TMPRSS4: variants seen among roughly 807,000 people sequenced by gnomAD.
The protein encoded by TMPRSS4 is transmembrane protease serine 4.
TMPRSS4 carries 45 observed loss-of-function variants against 56.4 expected under a neutral mutation model. The observed-to-expected ratio is 0.80, with a 90% CI of 0.63 to 1.02. The LOEUF (loss-of-function observed/expected upper bound fraction) is 1.02, where lower values mean the gene tolerates loss of function less well. Ranked by LOEUF, TMPRSS4 falls within the 50% of genes least tolerant of loss-of-function variation. The probability of loss-of-function intolerance (pLI) is 0.00; values close to 1 mark genes in which losing one functional copy is unlikely to be tolerated. For missense variants in TMPRSS4, 546 were observed against 556.7 expected (o/e 0.98, Z 0.19); for synonymous variants, 205 against 211.0 (o/e 0.97, Z 0.25).
chr11:118,084,129 G>T (rs961480264), intron 1 of TMPRSS4, among the ~76,000 whole-genome samples: 2 of 152,126 alleles, frequency 1.3e-5, no homozygotes, highest in Non-Finnish European at 2.9e-5. Context: ...TTAGGAGGGA[G>T]ACTTACTGCA....
chr11:118,086,731 C>T (rs1402732608), intron 1 of TMPRSS4: 4 of 153,046 alleles, frequency 2.6e-5, no homozygotes, highest in African/African-American at 4.8e-5. Context: ...TCTTCCAGCC[C>T]TCAGTGACCC....
chr11:118,085,744 G>A lies in TMPRSS4; in HGVS notation c.3+8439G>A, dbSNP rs111549109. Among the ~76,000 whole-genome samples the A allele has an allele frequency of 2.6e-3, 394 of 152,272 alleles. 4 individuals are homozygous for A. The highest frequency in any genetic ancestry group is 9.2e-3 in the African/African-American group (381 of 41,558). On this transcript the variant is annotated intron_variant, in intron 1 of 12. Coordinates refer to ENST00000437212, the MANE Select transcript of TMPRSS4 (RefSeq NM_019894.4). ...AGGCTGAAAGGCTGAACTGTGTGGC[G>A]GGACCCCTTCTGGCCCTCTCGAGTC...
chr11:118,115,018 G>T (rs2135458985), intron 10 of TMPRSS4, 91 bp downstream of exon 10: 1 of 1,549,526 alleles, frequency 6.5e-7, no homozygotes, highest in Non-Finnish European at 8.8e-7. Flanking sequence ...CCACCCTTCA[G>T]AGAAACCCAT....
At chr11:118,124,913 G>C (rs137964289), downstream of TMPRSS4, among the ~76,000 whole-genome samples, 1 of 152,138 alleles carries the variant, frequency 6.6e-6, no homozygotes, top group Non-Finnish European at 1.5e-5. Context: ...CCATCTTCCC[G>C]CCTCTAGGCT....
At chr11:118,112,709 T>C (rs1468962252) in intron 8 of TMPRSS4, among the ~76,000 whole-genome samples, 1 of 152,036 alleles carries the variant, frequency 6.6e-6, no homozygotes, top group Non-Finnish European at 1.5e-5. Flanking sequence ...TATTCATTCA[T>C]TCAATATCTA....
At chr11:118,101,976 C>G (rs1016486558) in intron 3 of TMPRSS4, among the ~76,000 whole-genome samples, 1 of 152,108 alleles carries the variant, frequency 6.6e-6, no homozygotes, top group Non-Finnish European at 1.5e-5. Flanking sequence ...GTTCTTTTTA[C>G]TTATATATTT....
rs775514563 is a variant in TMPRSS4 at position 118,103,241 on chromosome 11, C to T, written c.298C>T (p.Pro100Ser). Residue 100 changes from proline to serine, a missense_variant, in exon 4 of 13, where the codon CCT becomes TCT. By Grantham distance (74) the Pro-to-Ser change is moderately conservative. Transcript: ENST00000437212. ...EHCVKSFPEG[P>S]AVAVRLSKDR... ...CTGTGTCAAGAGCTTCCCCGAAGGG[C>T]CTGCAGTGGCAGGTGAGTGCAGGGT... 1.7e-5 allele frequency: 28 copies of T among 1,613,522 alleles called. No individual in the cohort carries two copies. The highest frequency in any genetic ancestry group is 2.2e-5 in the Non-Finnish European group (26 of 1,179,862).
chr11:118,080,192 A>G (rs1677385313), intron 1 of TMPRSS4, among the ~76,000 whole-genome samples: 1 of 152,174 alleles, frequency 6.6e-6, no homozygotes, highest in Non-Finnish European at 1.5e-5. Flanking sequence ...CTGAAAAAGC[A>G]ATAGATTCTC....
chr11:118,123,496 C>T (rs1344663781), downstream of TMPRSS4, among the ~76,000 whole-genome samples: 1 of 152,138 alleles, frequency 6.6e-6, no homozygotes, highest in East Asian at 1.9e-4. Context: ...ATCTCTTCAA[C>T]AAATCAATGT....
At chr11:118,115,478 T>C in intron 11 of TMPRSS4, 198 bp downstream of exon 11, 1 of 606,842 alleles carries the variant, frequency 1.6e-6, no homozygotes, top group South Asian at 2.2e-5. Flanking sequence ...GGTGGATGGA[T>C]GGATGCAGAC....
At chr11:118,109,039 C>T in intron 7 of TMPRSS4, 143 bp downstream of exon 7, 2 of 816,520 alleles carry the variant, frequency 2.4e-6, no homozygotes, top group East Asian at 2.7e-5. Flanking sequence ...CGGTCAATGC[C>T]CCCTCGAGTT....
chr11:118,117,474 C>CAGT lies in TMPRSS4; in HGVS notation c.1302+20_1302+21insAGT, dbSNP rs754598288. ...TGGAAGGTAAGGTACCTTTGCCCTA[C>CAGT]CCACTGTGCCTTCCCTCCAGTCCTC... is the stretch of plus-strand genomic sequence containing the variant. On this transcript the variant is annotated intron_variant, in intron 12 of 12. Transcript: ENST00000437212. 4.4e-6 allele frequency: 7 copies of CAGT among 1,600,964 alleles called. No homozygotes were observed. The highest frequency in any genetic ancestry group is 6.0e-6 in the Non-Finnish European group (7 of 1,172,280).
At chr11:118,107,650 C>T (rs1321607825) in intron 5 of TMPRSS4, 124 bp from the exon 6 acceptor site, 19 of 744,702 alleles carry the variant, frequency 2.6e-5, no homozygotes, top group Non-Finnish European at 3.6e-5. Context: ...CATCTCCACT[C>T]CCTGGCCACT....
intron 2 of TMPRSS4, among the ~76,000 whole-genome samples, chr11:118,098,220 T>C (rs1315853514): frequency 6.6e-6 from 1 of 151,952 alleles, no homozygotes; most frequent in Non-Finnish European, 1.5e-5. Flanking sequence ...GCCTTCCAAC[T>C]TGCCTTTATT....
downstream of TMPRSS4, chr11:118,125,356 C>T: frequency 2.2e-6 from 1 of 456,726 alleles, no homozygotes; most frequent in Non-Finnish European, 4.4e-6. Flanking sequence ...CAGCAACCAG[C>T]TGTACCGCTG....
intron 3 of TMPRSS4, among the ~76,000 whole-genome samples, chr11:118,100,027 A>T (rs1946656703): frequency 6.6e-6 from 1 of 152,158 alleles, no homozygotes; most frequent in Non-Finnish European, 1.5e-5. Flanking sequence ...AACTTTTCAC[A>T]GCAAGAAGTA....
chr11:118,085,695 G>T (rs185029113), intron 1 of TMPRSS4, among the ~76,000 whole-genome samples: 1 of 152,170 alleles, frequency 6.6e-6, no homozygotes, highest in East Asian at 1.9e-4. Flanking sequence ...CCTTCCCAAT[G>T]GCAAACCCAT....
intron 6 of TMPRSS4, chr11:118,108,291 G>A (rs1223186946): frequency 5.6e-6 from 1 of 178,756 alleles, no homozygotes; most frequent in African/African-American, 2.4e-5. Context: ...CCAGGGAAGA[G>A]GCTCCATGGC....
In TMPRSS4 at chr11:118,077,205, T is replaced by G. The variant is rs539315818; in HGVS notation, c.-98T>G. On this transcript the variant is annotated 5_prime_UTR_variant, in exon 1 of 13. Coordinates refer to ENST00000437212, the MANE Select transcript of TMPRSS4 (RefSeq NM_019894.4). The stretch of plus-strand genomic sequence containing the variant: ...TGCTGACCAGGGACTTCTGACCTGC[T>G]GGCCAGCCAGGACCTGTGTGGGGAG... The G allele has an allele frequency of 5.3e-4, 798 of 1,514,842 alleles. 4 individuals are homozygous for G. The Middle Eastern group carries it at 7.4e-3, about 14-fold the overall frequency. 93.8% of individuals were successfully genotyped at this position (1,514,842 alleles called of 1,614,324 possible). A position where few individuals can be genotyped will look rare whatever the true frequency, so the allele number is the denominator to read the frequency against.
Sources: allele counts gnomAD v4.1 joint callset (sites outside exome capture counted in the v4.1 genomes callset), GRCh38; gene constraint gnomAD v4.1.1; transcripts MANE v1.5; gene names NCBI Gene and HGNC (gene_info 2026-07-23, HGNC 2026-07-21).